Variants in OOSP4B observed in about 807,000 individuals in gnomAD.
OOSP4B encodes oocyte secreted protein family member 4B.
At chr11:60,021,710 C>T (rs1383817723) in intron 1 of OOSP4B, 3 of 152,196 alleles carry the variant, frequency 2.0e-5, no homozygotes, top group Admixed American at 2.0e-4. Flanking sequence ...GGCCGGGTGC[C>T]ATGGCTCACG....
intron 2 of OOSP4B, among the ~76,000 whole-genome samples, 190 bp downstream of exon 2, chr11:60,024,251 C>T (rs964331006): frequency 6.6e-6 from 1 of 152,016 alleles, no homozygotes; most frequent in African/African-American, 2.4e-5. Context: ...TTAAAAAGGT[C>T]ATAAGGGGCT....
At chr11:60,023,490 A>G (rs965481867) in intron 1 of OOSP4B, among the ~76,000 whole-genome samples, 7 of 152,156 alleles carry the variant, frequency 4.6e-5, no homozygotes, top group Non-Finnish European at 1.0e-4. Flanking sequence ...GCTGGAGTGC[A>G]GTGGCATGGT....
intron 1 of OOSP4B, among the ~76,000 whole-genome samples, chr11:60,020,575 C>G (rs1343984832): frequency 6.6e-6 from 1 of 152,176 alleles, no homozygotes; most frequent in African/African-American, 2.4e-5. Context: ...CAGCGAGCAG[C>G]CCCGGTTCCC....
chr11:60,030,124 G>A (rs763821276), intron 4 of OOSP4B, among the ~76,000 whole-genome samples, 195 bp downstream of exon 4: 17 of 152,084 alleles, frequency 1.1e-4, no homozygotes, highest in Admixed American at 4.6e-4. Flanking sequence ...AGATGAACAT[G>A]AATAGGTTCC....
chr11:60,020,895 G>C (rs1478533495), intron 1 of OOSP4B, among the ~76,000 whole-genome samples: 1 of 152,210 alleles, frequency 6.6e-6, no homozygotes, highest in Non-Finnish European at 1.5e-5. Context: ...GGACGACAGA[G>C]GGAGACTCCA....
At chr11:60,025,967 T>G (rs1854743311) in intron 3 of OOSP4B, among the ~76,000 whole-genome samples, 1 of 152,184 alleles carries the variant, frequency 6.6e-6, no homozygotes, top group African/African-American at 2.4e-5. Flanking sequence ...AACTAATTAT[T>G]AGTGCTCATT....
At chr11:60,030,058 C>T (rs757856868) in intron 4 of OOSP4B, 129 bp downstream of exon 4, 7 of 392,736 alleles carry the variant, frequency 1.8e-5, no homozygotes, top group Non-Finnish European at 3.1e-5. Context: ...AATATGAACC[C>T]TGTAGAATTA....
At chr11:60,023,111 G>A (rs953812330) in intron 1 of OOSP4B, among the ~76,000 whole-genome samples, 1 of 152,138 alleles carries the variant, frequency 6.6e-6, no homozygotes, top group Non-Finnish European at 1.5e-5. Flanking sequence ...AACCCTAAAA[G>A]GTAGATAATA....
At chr11:60,021,810 C>A (rs143663006) in intron 1 of OOSP4B, among the ~76,000 whole-genome samples, 6,006 of 151,942 alleles carry the variant, frequency 0.04, 198 homozygotes, top group Middle Eastern at 0.13. Context: ...CTGGCGAAAC[C>A]CTGTCTCTGC....
At chr11:60,029,965 C>A in intron 4 of OOSP4B, 36 bp downstream of exon 4, 1 of 397,730 alleles carries the variant, frequency 2.5e-6, no homozygotes, top group South Asian at 1.3e-4. Flanking sequence ...TATAGTTAAC[C>A]ACAATTTGTT....
chr11:60,024,425 A>G (rs1854724766), intron 2 of OOSP4B, among the ~76,000 whole-genome samples: 1 of 152,186 alleles, frequency 6.6e-6, no homozygotes, highest in African/African-American at 2.4e-5. Flanking sequence ...CTGTAATCCC[A>G]GCTATTTGGG....
chr11:60,024,265 C>T (rs922872157), intron 2 of OOSP4B, among the ~76,000 whole-genome samples: 2 of 152,148 alleles, frequency 1.3e-5, no homozygotes, highest in African/African-American at 4.8e-5. Flanking sequence ...AGGGGCTGGG[C>T]ATGGTGGCTC....
intron 1 of OOSP4B, among the ~76,000 whole-genome samples, chr11:60,020,934 C>G (rs1305985685): frequency 6.6e-6 from 1 of 152,192 alleles, no homozygotes; most frequent in African/African-American, 2.4e-5. Context: ...AGCTCCTGCT[C>G]CCAGAGTACT....
intron 1 of OOSP4B, among the ~76,000 whole-genome samples, chr11:60,020,100 T>C (rs1184783581): frequency 6.6e-6 from 1 of 152,252 alleles, no homozygotes; most frequent in Non-Finnish European, 1.5e-5. Context: ...AACCTTGAGC[T>C]AGATACAGAG....
chr11:60,026,423 G>A (rs891585670), intron 3 of OOSP4B, among the ~76,000 whole-genome samples: 16 of 152,052 alleles, frequency 1.1e-4, no homozygotes, highest in African/African-American at 2.7e-4. Flanking sequence ...TGACTCTTTC[G>A]TTATATCAAT....
intron 3 of OOSP4B, 139 bp from the exon 4 acceptor site, chr11:60,029,643 T>C (rs1018443970): frequency 1.6e-4 from 64 of 394,670 alleles, no homozygotes; most frequent in Admixed American, 1.2e-3. Context: ...TTAGATTTAC[T>C]GAGCTACTTT....
intron 3 of OOSP4B, among the ~76,000 whole-genome samples, chr11:60,025,356 T>C (rs1288615225): frequency 6.6e-6 from 1 of 152,222 alleles, no homozygotes; most frequent in Non-Finnish European, 1.5e-5. Flanking sequence ...ATGCAATTAA[T>C]ATATAAATGT....
intron 1 of OOSP4B, among the ~76,000 whole-genome samples, chr11:60,021,258 G>A (rs58561278): frequency 0.22 from 32,707 of 152,100 alleles, 3,968 homozygotes; most frequent in Admixed American, 0.38. Context: ...CTGGAACTCA[G>A]TATTTCTAAT....
chr11:60,017,831 G>A (rs1488600025), intron 1 of OOSP4B, among the ~76,000 whole-genome samples: 1 of 152,126 alleles, frequency 6.6e-6, no homozygotes, highest in South Asian at 2.1e-4. Context: ...AGGATTACAG[G>A]CTCTCTTGGC....
Sources: allele counts gnomAD v4.1 joint callset (sites outside exome capture counted in the v4.1 genomes callset), GRCh38; gene constraint gnomAD v4.1.1; transcripts MANE v1.5; gene names NCBI Gene and HGNC (gene_info 2026-07-23, HGNC 2026-07-21).